Variants in NSUN2 observed in about 807,000 individuals in gnomAD.
NSUN2 encodes RNA cytosine C(5)-methyltransferase NSUN2.
In NSUN2, 63 loss-of-function variants were observed where a neutral mutation model predicts 92.7. The observed-to-expected ratio is 0.68, with a 90% CI of 0.56 to 0.84. The LOEUF (loss-of-function observed/expected upper bound fraction) is 0.84, where lower values mean the gene tolerates loss of function less well. Among genes scored for constraint, NSUN2 ranks in the 40% least tolerant of loss-of-function variants. NSUN2 has a pLI of 0.00. For synonymous variants in NSUN2, 356 were observed against 348.3 expected, an observed-to-expected ratio of 1.02 and a Z score of -0.25; for missense variants, 989 against 964.9, an observed-to-expected ratio of 1.02 and a Z score of -0.33.
intron 4 of NSUN2, among the ~76,000 whole-genome samples, chr5:6,624,999 C>A (rs373415210): frequency 6.6e-6 from 1 of 151,588 alleles, no homozygotes; most frequent in South Asian, 2.1e-4. Context: ...TGGGTGGCTA[C>A]GGAGAATGTG....
chr5:6,603,749 C>T (rs1736647373), intron 17 of NSUN2: 1 of 178,532 alleles, frequency 5.6e-6, no homozygotes, highest in African/African-American at 2.4e-5. Context: ...CCACCCACCC[C>T]CGACCTGCTG....
Position 6,620,874 on chromosome 5 carries a change from T to G in NSUN2, c.623-576A>C, listed in dbSNP as rs148611599. Reference sequence around the variant, plus strand: ...ATCAAAGCCACTCTTCACAACAGTATGAAATGCAAAACATCCACAATACAA... The same window carrying G: ...ATCAAAGCCACTCTTCACAACAGTAGGAAATGCAAAACATCCACAATACAA... On this transcript the variant is annotated intron_variant, in intron 6 of 18. Coordinates refer to ENST00000264670, the MANE Select transcript of NSUN2 (RefSeq NM_017755.6). The G allele has an allele frequency of 1.9e-3, 293 of 152,368 alleles. 4 individuals carry two copies. In the East Asian group the frequency reaches 0.047, roughly 24 times the overall value. The allele number at this position is 152,368 out of a possible 1,614,324, so 9.4% of individuals were successfully genotyped here. A position where few individuals can be genotyped will look rare whatever the true frequency, so the allele number is the denominator to read the frequency against.
intron 3 of NSUN2, among the ~76,000 whole-genome samples, chr5:6,629,017 C>T (rs759468719): frequency 2.0e-5 from 3 of 152,214 alleles, no homozygotes; most frequent in Non-Finnish European, 2.9e-5. Context: ...TGCACTCCAG[C>T]CTGGGTGACA....
At chr5:6,626,028 T>C (rs1029835077) in intron 3 of NSUN2, among the ~76,000 whole-genome samples, 16 of 152,218 alleles carry the variant, frequency 1.1e-4, no homozygotes, top group Non-Finnish European at 2.4e-4. Flanking sequence ...AAAAAAAAGA[T>C]ACAAGATGAC....
In NSUN2 at chr5:6,600,952, G is replaced by GT. The variant is rs113365820; in HGVS notation, c.1998-721_1998-720insA. 7.0e-3 allele frequency among the ~76,000 whole-genome samples: 1,061 copies of GT among 152,122 alleles called. 9 individuals carry two copies. Among genetic ancestry groups the GT allele is most frequent in the African/African-American group, 0.025 (1,025 of 41,466 alleles). ...ACCTGTCCAGCCAGGAGGCATCGAC[G>GT]CCCCAGCAGAGATGGACGCCACCAT... On this transcript the variant is annotated intron_variant, in intron 18 of 18. Coordinates refer to ENST00000264670, the MANE Select transcript of NSUN2 (RefSeq NM_017755.6).
At chr5:6,632,070 T>G in intron 2 of NSUN2, 93 bp from the exon 3 acceptor site, 2 of 984,202 alleles carry the variant, frequency 2.0e-6, no homozygotes, top group Non-Finnish European at 3.1e-6. Flanking sequence ...GTTTTAAAAC[T>G]AAAACCAACT....
intron 4 of NSUN2, among the ~76,000 whole-genome samples, chr5:6,623,680 T>C (rs2126502050): frequency 6.6e-6 from 1 of 152,156 alleles, no homozygotes; most frequent in Admixed American, 6.5e-5. Context: ...TGTCAAATGG[T>C]TTTTCCTTCT....
Position 6,619,189 on chromosome 5 carries a change from T to C in NSUN2, c.815+917A>G, listed in dbSNP as rs1447864583. Among the ~76,000 whole-genome samples, 4 of 152,166 alleles carry C rather than the reference T, an allele frequency of 2.6e-5. No homozygotes were observed. The East Asian group carries it at 7.7e-4, about 29-fold the overall frequency. On this transcript the variant is annotated intron_variant, in intron 7 of 18. Coordinates refer to ENST00000264670, the MANE Select transcript of NSUN2 (RefSeq NM_017755.6). Reference sequence around the variant, plus strand: ...TAGAGGAAAAAAAAACTTTAGTTCATGATGTATTTTAAATTTTACTTTAAA... The same window carrying C: ...TAGAGGAAAAAAAAACTTTAGTTCACGATGTATTTTAAATTTTACTTTAAA...
At chr5:6,606,168 C>G (rs998412654) in intron 14 of NSUN2, among the ~76,000 whole-genome samples, 2 of 152,238 alleles carry the variant, frequency 1.3e-5, no homozygotes, top group Non-Finnish European at 2.9e-5. Flanking sequence ...ACCCATGCTG[C>G]TCTTCATTTC....
chr5:6,625,786 T>A, intron 3 of NSUN2, 117 bp from the exon 4 acceptor site: 2 of 705,022 alleles, frequency 2.8e-6, no homozygotes, highest in Non-Finnish European at 5.1e-6. Context: ...TTCTCCCTGC[T>A]CCTATTCACA....
chr5:6,604,092 A>T (rs2303709), intron 17 of NSUN2, 46 bp downstream of exon 17: 1 of 1,573,380 alleles, frequency 6.4e-7, no homozygotes, highest in Admixed American at 1.8e-5. Flanking sequence ...TGCTGGCCTT[A>T]TAAAGGGAAT....
chr5:6,610,308 C>G (rs1226356293), intron 11 of NSUN2, among the ~76,000 whole-genome samples: 1 of 152,010 alleles, frequency 6.6e-6, no homozygotes, highest in East Asian at 1.9e-4. Flanking sequence ...AACTTTTGAG[C>G]TCAAGTGATC....
At chr5:6,621,984 C>G (rs913837896) in intron 6 of NSUN2, 32 bp downstream of exon 6, 2 of 1,560,356 alleles carry the variant, frequency 1.3e-6, no homozygotes, top group African/African-American at 2.7e-5. Flanking sequence ...AAGTGGCATT[C>G]CTACCATTTT....
intron 8 of NSUN2, among the ~76,000 whole-genome samples, chr5:6,617,591 A>T (rs1737262400): frequency 6.6e-6 from 1 of 152,220 alleles, no homozygotes. Flanking sequence ...TTTCTAAGAG[A>T]TCAAAATGTC....
intron 9 of NSUN2, among the ~76,000 whole-genome samples, chr5:6,614,949 A>G (rs1737150308): frequency 6.6e-6 from 1 of 152,150 alleles, no homozygotes; most frequent in Non-Finnish European, 1.5e-5. Flanking sequence ...CCCAGCCAAA[A>G]GCTTACAAGA....
intron 3 of NSUN2, among the ~76,000 whole-genome samples, chr5:6,628,582 G>C (rs974817190): frequency 6.6e-6 from 1 of 152,182 alleles, no homozygotes; most frequent in African/African-American, 2.4e-5. Flanking sequence ...CTATGTACCA[G>C]AGGATTGGGA....
intron 3 of NSUN2, among the ~76,000 whole-genome samples, chr5:6,630,968 C>G (rs1391338648): frequency 6.6e-6 from 1 of 152,044 alleles, no homozygotes; most frequent in East Asian, 1.9e-4. Context: ...GTGGCGGGCA[C>G]CTGTAGTCCC....
rs1027334979 is a variant in NSUN2 at position 6,599,723 on chromosome 5, C to T, written c.*203G>A. ...AAAATAAAACAAGTGATTTCTAACA[C>T]GCTAAAAGAGTACATTTTCATCAGC... is the stretch of plus-strand genomic sequence containing the variant. On this transcript the variant is annotated 3_prime_UTR_variant, in exon 19 of 19. Coordinates refer to ENST00000264670, the MANE Select transcript of NSUN2 (RefSeq NM_017755.6). The T allele has an allele frequency of 1.2e-5, 7 of 573,986 alleles. No individual in the cohort carries two copies. Among genetic ancestry groups the T allele is most frequent in the Middle Eastern group, 4.6e-4 (1 of 2,166 alleles). The allele number at this position is 573,986 out of a possible 1,614,324, so 35.6% of individuals were successfully genotyped here. A position where few individuals can be genotyped will look rare whatever the true frequency, so the allele number is the denominator to read the frequency against.
chr5:6,600,359 A>C, intron 18 of NSUN2, 127 bp from the exon 19 acceptor site: 5 of 789,508 alleles, frequency 6.3e-6, no homozygotes, highest in Non-Finnish European at 9.8e-6. Context: ...CCCCAAAACT[A>C]CTGGGAGGAC....
Sources: allele counts gnomAD v4.1 joint callset (sites outside exome capture counted in the v4.1 genomes callset), GRCh38; gene constraint gnomAD v4.1.1; transcripts MANE v1.5; gene names NCBI Gene and HGNC (gene_info 2026-07-23, HGNC 2026-07-21).